Variants in MBD5 observed in about 807,000 individuals in gnomAD.
MBD5 encodes methyl-CpG-binding domain protein 5.
A neutral mutation model predicts 117.3 loss-of-function variants in MBD5; 13 were observed. The ratio of observed to expected loss-of-function variants is 0.11; its 90% CI spans 0.07 to 0.18. The LOEUF is 0.18. Ranked by LOEUF, MBD5 falls within the 10% of genes least tolerant of loss-of-function variation. MBD5 has a pLI of 1.00. For synonymous variants in MBD5, 727 were observed against 766.4 expected, an observed-to-expected ratio of 0.95 and a Z score of 0.85; for missense variants, 1,879 against 2,093.8, an observed-to-expected ratio of 0.90 and a Z score of 2.00.
chr2:148,200,221 A>T (rs184015192), intron 2 of MBD5, among the ~76,000 whole-genome samples: 60 of 149,106 alleles, frequency 4.0e-4, no homozygotes, highest in African/African-American at 1.4e-3. Flanking sequence ...TCTAATGCAT[A>T]TGTAATCTAC....
At chr2:148,135,327 T>C (rs1697146256) in intron 1 of MBD5, among the ~76,000 whole-genome samples, 1 of 152,250 alleles carries the variant, frequency 6.6e-6, no homozygotes, top group Admixed American at 6.5e-5. Context: ...CTAATCTCTA[T>C]TTCTTTCCCC....
intron 3 of MBD5, among the ~76,000 whole-genome samples, chr2:148,237,037 T>G (rs1483855582): frequency 3.3e-5 from 5 of 152,344 alleles, no homozygotes; most frequent in African/African-American, 9.6e-5. Flanking sequence ...AAACTTTTCT[T>G]CTGCAGCTTC....
chr2:148,419,825 A>G (rs1705542685), intron 4 of MBD5, among the ~76,000 whole-genome samples: 1 of 151,888 alleles, frequency 6.6e-6, no homozygotes, highest in African/African-American at 2.4e-5. Flanking sequence ...TTATCTCTTT[A>G]TTTCTATTAA....
At chr2:148,297,929 A>G (rs1328332201) in intron 3 of MBD5, among the ~76,000 whole-genome samples, 2 of 152,162 alleles carry the variant, frequency 1.3e-5, no homozygotes, top group African/African-American at 4.8e-5. Flanking sequence ...TTCTTATGAT[A>G]TTCTCCTCCC....
intron 1 of MBD5, among the ~76,000 whole-genome samples, chr2:148,116,525 T>A (rs1696645631): frequency 6.6e-6 from 1 of 152,224 alleles, no homozygotes; most frequent in South Asian, 2.1e-4. Context: ...TAATTATACC[T>A]CAGGATGTGG....
At chr2:148,453,921 G>A (rs982995895) in intron 4 of MBD5, among the ~76,000 whole-genome samples, 2 of 151,986 alleles carry the variant, frequency 1.3e-5, no homozygotes, top group Admixed American at 6.6e-5. Flanking sequence ...TTTAAGAAAT[G>A]TATGAAGGAC....
intron 1 of MBD5, among the ~76,000 whole-genome samples, chr2:148,093,507 A>C (rs1695992339): frequency 6.6e-6 from 1 of 152,184 alleles, no homozygotes; most frequent in Admixed American, 6.5e-5. Context: ...AAAGCAAGTA[A>C]AAATTAAAAA....
At chr2:148,440,396 T>C (rs1706282711) in intron 4 of MBD5, among the ~76,000 whole-genome samples, 2 of 152,172 alleles carry the variant, frequency 1.3e-5, no homozygotes, top group Non-Finnish European at 2.9e-5. Flanking sequence ...TAGGCACTGG[T>C]GATATCCCCT....
At chr2:148,064,156 C>T (rs1181562337) in intron 1 of MBD5, among the ~76,000 whole-genome samples, 3 of 132,188 alleles carry the variant, frequency 2.3e-5, no homozygotes, top group African/African-American at 5.9e-5. Flanking sequence ...GACAGAGCCT[C>T]GCTCTGTCGC....
intron 1 of MBD5, among the ~76,000 whole-genome samples, chr2:148,132,556 A>T (rs938845997): frequency 6.6e-6 from 1 of 152,116 alleles, no homozygotes; most frequent in Non-Finnish European, 1.5e-5. Flanking sequence ...GAATCCTCAT[A>T]CATCTTTTCC....
intron 4 of MBD5, among the ~76,000 whole-genome samples, chr2:148,394,920 A>G (rs1482809963): frequency 6.6e-6 from 1 of 152,188 alleles, no homozygotes; most frequent in Non-Finnish European, 1.5e-5. Flanking sequence ...AATGAAGTTT[A>G]GGTTTTTCAT....
chr2:148,167,487 A>G (rs796968314), intron 1 of MBD5, among the ~76,000 whole-genome samples: 25 of 152,212 alleles, frequency 1.6e-4, no homozygotes, highest in African/African-American at 5.5e-4. Flanking sequence ...CTTTGCTACT[A>G]CCATGTAAAT....
intron 4 of MBD5, among the ~76,000 whole-genome samples, chr2:148,349,142 G>T (rs983784453): frequency 2.0e-5 from 3 of 151,764 alleles, no homozygotes; most frequent in Non-Finnish European, 4.4e-5. Flanking sequence ...TAAAAAAAAG[G>T]TCTCAGTAGT....
intron 4 of MBD5, among the ~76,000 whole-genome samples, chr2:148,457,974 T>C (rs184271709): frequency 6.6e-6 from 1 of 152,268 alleles, no homozygotes; most frequent in Admixed American, 6.6e-5. Context: ...TACGGGTCTG[T>C]CTCTAGTAAT....
chr2:148,324,901 C>T (rs1429256842), intron 3 of MBD5, among the ~76,000 whole-genome samples: 1 of 152,132 alleles, frequency 6.6e-6, no homozygotes, highest in Non-Finnish European at 1.5e-5. Context: ...GAGGGAATCC[C>T]TGTCTTGTGC....
intron 2 of MBD5, among the ~76,000 whole-genome samples, chr2:148,229,156 C>T (rs1239417283): frequency 6.6e-6 from 1 of 151,138 alleles, no homozygotes; most frequent in East Asian, 1.9e-4. Context: ...TTGCAGCCTG[C>T]TTTGCTTCAT....
Position 148,234,900 on chromosome 2 carries a change from A to C in MBD5, c.-680+1505A>C, listed in dbSNP as rs1447885312. On this transcript the variant is annotated intron_variant, in intron 3 of 13. Transcript: ENST00000642680. Reference sequence around the variant, plus strand: ...ATCCACTTAACTATTTTTAAAAACTACTAAAAATTGATCATTGTTTAATTA... The same window carrying C: ...ATCCACTTAACTATTTTTAAAAACTCCTAAAAATTGATCATTGTTTAATTA... Among the ~76,000 whole-genome samples the C allele has an allele frequency of 2.6e-5, 4 of 152,138 alleles. No individual in the cohort carries two copies. The East Asian group carries it at 7.7e-4, about 29-fold the overall frequency.
intron 1 of MBD5, among the ~76,000 whole-genome samples, chr2:148,060,406 A>G (rs947652434): frequency 1.3e-5 from 2 of 152,048 alleles, no homozygotes; most frequent in Admixed American, 6.6e-5. Context: ...ATTTTATCAT[A>G]CATTCTTGTG....
chr2:148,254,414 G>A (rs748110722), intron 3 of MBD5, among the ~76,000 whole-genome samples: 5 of 152,186 alleles, frequency 3.3e-5, no homozygotes, highest in Admixed American at 6.5e-5. Flanking sequence ...CAGAACCTGA[G>A]TGGTGTGCTG....
Sources: allele counts gnomAD v4.1 joint callset (sites outside exome capture counted in the v4.1 genomes callset), GRCh38; gene constraint gnomAD v4.1.1; transcripts MANE v1.5; gene names NCBI Gene and HGNC (gene_info 2026-07-23, HGNC 2026-07-21).